The following PREP variants were observed in gnomAD, a reference collection of about 807,000 sequenced individuals.
The protein encoded by PREP is prolyl endopeptidase, also known as dJ355L5.1 (prolyl endopeptidase).
A neutral mutation model predicts 87.6 loss-of-function variants in PREP; 29 were observed. That is an observed-to-expected ratio of 0.33 (90% CI 0.25 to 0.45). The LOEUF is 0.45. Among genes scored for constraint, PREP ranks in the 20% least tolerant of loss-of-function variants. PREP has a pLI of 1.00. For synonymous variants in PREP, 337 were observed against 328.6 expected (o/e 1.03, Z -0.28); for missense variants, 695 against 886.5 (o/e 0.78, Z 2.74).
At position 105,302,434 on chromosome 6, in the gene PREP, T is replaced by C. The variant is rs202036918; in HGVS notation, c.1318-13540A>G. The C allele has an allele frequency of 1.6e-3, 371 of 237,388 alleles. 4 individuals carry two copies. Among genetic ancestry groups the C allele is most frequent in the African/African-American group, 8.1e-3 (349 of 43,236 alleles). The allele number at this position is 237,388 out of a possible 1,614,324, so 14.7% of individuals were successfully genotyped here. On this transcript the variant is annotated intron_variant, in intron 10 of 14. Coordinates refer to ENST00000652536, the MANE Select transcript of PREP (RefSeq NM_002726.5). Reference sequence around the variant, plus strand: ...TTTTGTTCTCTTCGGCCAGCTCTCTTTTATTGACAATGTGACGTTCAGGCG... The same window carrying C: ...TTTTGTTCTCTTCGGCCAGCTCTCTCTTATTGACAATGTGACGTTCAGGCG...
chr6:105,358,968 G>C (rs1246892969), intron 6 of PREP, among the ~76,000 whole-genome samples: 8 of 152,114 alleles, frequency 5.3e-5, no homozygotes, highest in Non-Finnish European at 1.0e-4. Flanking sequence ...GATGAGGTTG[G>C]ACAAAGCTAC....
At chr6:105,330,939 T>A (rs1341151970) in intron 8 of PREP, among the ~76,000 whole-genome samples, 2 of 152,194 alleles carry the variant, frequency 1.3e-5, no homozygotes, top group Non-Finnish European at 2.9e-5. Flanking sequence ...AGGCAACATA[T>A]TTCATGTGGC....
In PREP at chr6:105,362,144, T is replaced by C. The variant is rs1257080248; in HGVS notation, c.717+6759A>G. On this transcript the variant is annotated intron_variant, in intron 6 of 14. Transcript: ENST00000652536. ...GTTTCTAAGTTAGCTGGTTGTCTGT[T>C]TGATAAATTTGGTTATTCAACAATC... is the stretch of plus-strand genomic sequence containing the variant. Among the ~76,000 whole-genome samples the C allele has an allele frequency of 5.3e-5, 8 of 152,188 alleles. 1 individual carries two copies. Among genetic ancestry groups the C allele is most frequent in the Admixed American group, 4.6e-4 (7 of 15,280 alleles).
intron 10 of PREP, among the ~76,000 whole-genome samples, chr6:105,320,191 T>C (rs527662237): frequency 6.6e-6 from 1 of 152,216 alleles, no homozygotes; most frequent in Non-Finnish European, 1.5e-5. Context: ...TCATTCACAA[T>C]AAAAAGCAGG....
In PREP at chr6:105,376,234, T is replaced by C. The variant is rs756256068; in HGVS notation, c.276A>G (p.Thr92=). 6 of 1,613,522 alleles carry C rather than the reference T, an allele frequency of 3.7e-6. No homozygotes were observed. The highest frequency in any genetic ancestry group is 5.1e-6 in the Non-Finnish European group (6 of 1,179,650). The change falls in exon 4 of 15, where the codon ACA becomes ACG. Residue 92 remains threonine (T), a synonymous_variant. Transcript: ENST00000652536. ...KGKRYFYFYN[T]GLQNQRVLYV... ...ATAATACTCGCTGGTTCTGCAAACC[T>C]GTATTGTAAAAATAAAAATACCTGG...
chr6:105,397,695 A>G (rs1773321547), intron 2 of PREP, among the ~76,000 whole-genome samples, 158 bp downstream of exon 2: 1 of 152,192 alleles, frequency 6.6e-6, no homozygotes. Context: ...TTTTCCCATA[A>G]ATTATTTGAC....
chr6:105,318,425 C>G (rs1770926639), intron 10 of PREP, among the ~76,000 whole-genome samples: 1 of 152,150 alleles, frequency 6.6e-6, no homozygotes. Context: ...GCAGAGACTG[C>G]AGCAACTACA....
Position 105,365,250 on chromosome 6 carries a change from C to T in PREP, c.717+3653G>A, listed in dbSNP as rs564450661. The stretch of plus-strand genomic sequence containing the variant: ...TGACAGAGTGGGATTCCATTTATTG[C>T]TTTTCTCTAAGATGCAAATCACTAA... On this transcript the variant is annotated intron_variant, in intron 6 of 14. Transcript: ENST00000652536. Among the ~76,000 whole-genome samples, 10 of 152,292 alleles carry T rather than the reference C, an allele frequency of 6.6e-5. 1 individual carries two copies. In the East Asian group the frequency reaches 1.7e-3, roughly 27 times the overall value.
chr6:105,322,342 C>T, intron 10 of PREP: 4 of 924,968 alleles, frequency 4.3e-6, no homozygotes, highest in Non-Finnish European at 5.2e-6. Context: ...CTTGAATATA[C>T]CTTATCTCTT....
chr6:105,364,314 G>A (rs1432191496), intron 6 of PREP, among the ~76,000 whole-genome samples: 1 of 152,252 alleles, frequency 6.6e-6, no homozygotes, highest in Non-Finnish European at 1.5e-5. Flanking sequence ...GAGGGCAACA[G>A]TGGGGAAACT....
chr6:105,369,027 G>A lies in PREP; in HGVS notation c.596-3C>T. The A allele has an allele frequency of 6.2e-7, 1 of 1,613,648 alleles. No homozygotes were observed. Among genetic ancestry groups the A allele is most frequent in the Non-Finnish European group, 8.5e-7 (1 of 1,179,694 alleles). ...GAGATTGGTAGATGTCTCTGTGCCT[G>A]AAGGAGTTAAAAATGTACACTGAAA... is the stretch of plus-strand genomic sequence containing the variant. On this transcript the variant is annotated splice_region_variant and splice_polypyrimidine_tract_variant and intron_variant, in intron 5 of 14. Coordinates refer to ENST00000652536, the MANE Select transcript of PREP (RefSeq NM_002726.5).
chr6:105,335,749 C>T (rs551010977), intron 7 of PREP, among the ~76,000 whole-genome samples: 12 of 151,980 alleles, frequency 7.9e-5, no homozygotes, highest in South Asian at 2.1e-4. Flanking sequence ...AAAAATTAGC[C>T]GGGTGTGGTG....
chr6:105,402,782 C>T, intron 1 of PREP, 65 bp downstream of exon 1: 1 of 1,432,506 alleles, frequency 7.0e-7, no homozygotes. Context: ...GCTGCGGGTG[C>T]CACGGGTCAG....
intron 10 of PREP, among the ~76,000 whole-genome samples, chr6:105,291,531 A>G (rs1770296277): frequency 6.6e-6 from 1 of 152,190 alleles, no homozygotes; most frequent in African/African-American, 2.4e-5. Flanking sequence ...CAGGCAGAAC[A>G]ACATGAAAAG....
At chr6:105,389,140 A>T (rs1773075939) in intron 2 of PREP, among the ~76,000 whole-genome samples, 1 of 152,240 alleles carries the variant, frequency 6.6e-6, no homozygotes, top group East Asian at 1.9e-4. Flanking sequence ...GAAAGTATGT[A>T]CCCTGATACA....
At position 105,277,973 on chromosome 6, in the gene PREP, A is replaced by G; in HGVS notation, c.*171T>C. 3 of 956,142 alleles carry G rather than the reference A, an allele frequency of 3.1e-6. No individual in the cohort carries two copies. The South Asian group carries it at 5.0e-5, about 16-fold the overall frequency. 59.2% of individuals were successfully genotyped at this position (956,142 alleles called of 1,614,324 possible). Reference sequence around the variant, plus strand: ...AAGAAACACCAAGGCCTTGCTAAAAAGGAGAAGCCTAAAAAAGATAAAATT... The same window carrying G: ...AAGAAACACCAAGGCCTTGCTAAAAGGGAGAAGCCTAAAAAAGATAAAATT... On this transcript the variant is annotated 3_prime_UTR_variant, in exon 15 of 15. Coordinates refer to ENST00000652536, the MANE Select transcript of PREP (RefSeq NM_002726.5).
chr6:105,399,830 A>G (rs1044454028), intron 1 of PREP, among the ~76,000 whole-genome samples: 5 of 152,244 alleles, frequency 3.3e-5, no homozygotes, highest in African/African-American at 7.2e-5. Flanking sequence ...GCCCAGAACC[A>G]TATCAAGTTC....
At chr6:105,313,843 A>G (rs910755512) in intron 10 of PREP, among the ~76,000 whole-genome samples, 4 of 152,264 alleles carry the variant, frequency 2.6e-5, no homozygotes, top group African/African-American at 9.6e-5. Flanking sequence ...TCAACCAGAG[A>G]TAAGATGACA....
At position 105,397,946 on chromosome 6, in the gene PREP, G is replaced by A; in HGVS notation, c.46-19C>T. ...CCTGTACCTGTAAAAAACAAAATGA[G>A]GTATTAGATAATTACTCTCTAACCC... is the stretch of plus-strand genomic sequence containing the variant. On this transcript the variant is annotated intron_variant, in intron 1 of 14. Transcript: ENST00000652536. The A allele has an allele frequency of 6.4e-7, 1 of 1,551,934 alleles. No homozygotes were observed. Among genetic ancestry groups the A allele is most frequent in the Non-Finnish European group, 8.9e-7 (1 of 1,123,876 alleles).
Sources: gnomAD v4.1 joint callset for allele counts (sites outside exome capture counted in the v4.1 genomes callset) on GRCh38, gnomAD v4.1.1 for gene constraint, MANE v1.5 for transcripts, NCBI Gene and HGNC (gene_info 2026-07-23, HGNC 2026-07-21) for gene names.